Variants in GTF2E2 observed in about 807,000 individuals in gnomAD.
GTF2E2 encodes the protein general transcription factor IIE subunit 2, also known as transcription initiation factor IIE subunit beta.
In GTF2E2, 21 loss-of-function variants were observed where a neutral mutation model predicts 40.5. The ratio of observed to expected loss-of-function variants is 0.52; its 90% CI spans 0.37 to 0.75. The LOEUF is 0.75. Ranked by LOEUF, GTF2E2 falls within the 30% of genes least tolerant of loss-of-function variation. GTF2E2 has a pLI of 0.00. For synonymous variants in GTF2E2, 117 were observed against 121.6 expected (o/e 0.96, Z 0.25); for missense variants, 298 against 338.4 (o/e 0.88, Z 0.94).
At chr8:30,610,948 A>T (rs1469508671) in intron 5 of GTF2E2, among the ~76,000 whole-genome samples, 2 of 152,210 alleles carry the variant, frequency 1.3e-5, no homozygotes, top group African/African-American at 4.8e-5. Context: ...TATCCAGAAT[A>T]TATTTTTTAA....
chr8:30,634,958 C>A, intron 3 of GTF2E2, 74 bp downstream of exon 3: 1 of 771,980 alleles, frequency 1.3e-6, no homozygotes, highest in Non-Finnish European at 2.2e-6. Flanking sequence ...AGAAATTTAA[C>A]TTCTGAAAAC....
intron 6 of GTF2E2, among the ~76,000 whole-genome samples, chr8:30,600,003 T>A (rs560239256): frequency 9.1e-4 from 138 of 152,128 alleles, no homozygotes; most frequent in Admixed American, 2.2e-3. Context: ...AAATAAATAA[T>A]GATCTAAAAC....
At chr8:30,609,118 T>C (rs570154696) in intron 5 of GTF2E2, among the ~76,000 whole-genome samples, 102 of 152,042 alleles carry the variant, frequency 6.7e-4, no homozygotes, top group African/African-American at 2.4e-3. Flanking sequence ...ATAGAAAAAT[T>C]AGCTGAACAC....
At chr8:30,635,892 A>G (rs971755662) in intron 2 of GTF2E2, among the ~76,000 whole-genome samples, 11 of 152,196 alleles carry the variant, frequency 7.2e-5, no homozygotes, top group Admixed American at 6.5e-5. Context: ...AAAAATAGGA[A>G]TTAATGGAAA....
intron 2 of GTF2E2, among the ~76,000 whole-genome samples, chr8:30,651,552 T>C (rs1244622509): frequency 2.0e-5 from 3 of 151,786 alleles, no homozygotes; most frequent in African/African-American, 7.3e-5. Flanking sequence ...GCCAGGAGTT[T>C]GAGACCAGCC....
intron 6 of GTF2E2, among the ~76,000 whole-genome samples, chr8:30,591,475 C>G (rs559598858): frequency 5.9e-5 from 9 of 151,954 alleles, no homozygotes; most frequent in African/African-American, 2.2e-4. Context: ...CAGAGTGAGA[C>G]CCTGTTTCTA....
At chr8:30,645,618 A>G (rs1162745848) in intron 2 of GTF2E2, 1 of 1,516,968 alleles carries the variant, frequency 6.6e-7, no homozygotes, top group Non-Finnish European at 8.8e-7. Flanking sequence ...AAGATGAACA[A>G]AATCTCTGAA....
At chr8:30,625,115 G>A (rs1297269583) in intron 3 of GTF2E2, among the ~76,000 whole-genome samples, 2 of 152,016 alleles carry the variant, frequency 1.3e-5, no homozygotes, top group African/African-American at 4.8e-5. Context: ...TCCAGTTTTT[G>A]CCCATTCAGT....
At chr8:30,584,337 T>C (rs1340856694) in intron 6 of GTF2E2, among the ~76,000 whole-genome samples, 1 of 150,432 alleles carries the variant, frequency 6.6e-6, no homozygotes, top group Non-Finnish European at 1.5e-5. Context: ...TATTATAGAA[T>C]GGTATTTAAA....
At chr8:30,579,599 C>G (rs561609039) in intron 7 of GTF2E2, among the ~76,000 whole-genome samples, 2 of 152,222 alleles carry the variant, frequency 1.3e-5, no homozygotes, top group Admixed American at 1.3e-4. Context: ...TAAAAATTCA[C>G]CAAACACACA....
chr8:30,627,502 T>C (rs1312994836), intron 3 of GTF2E2, among the ~76,000 whole-genome samples: 1 of 143,636 alleles, frequency 7.0e-6, no homozygotes, highest in African/African-American at 2.6e-5. Context: ...AGAGAGGTAC[T>C]AGCAGCAAAA....
At position 30,640,877 on chromosome 8, in the gene GTF2E2, G is replaced by T. The variant is rs1183223986; in HGVS notation, c.167-5754C>A. 2.0e-5 allele frequency among the ~76,000 whole-genome samples: 3 copies of T among 152,256 alleles called. No homozygotes were observed. In the East Asian group the frequency reaches 5.8e-4, roughly 29 times the overall value. On this transcript the variant is annotated intron_variant, in intron 2 of 7. Coordinates refer to ENST00000355904, the MANE Select transcript of GTF2E2 (RefSeq NM_002095.6). ...CCGCCACCACAACTGGCTAATTTTT[G>T]TGTTTTTAGCAGAGACGGAGTTTCG...
intron 2 of GTF2E2, among the ~76,000 whole-genome samples, chr8:30,651,183 T>C (rs199674975): frequency 6.6e-6 from 1 of 152,186 alleles, no homozygotes; most frequent in South Asian, 2.1e-4. Flanking sequence ...CTATTCAATG[T>C]ACAGCCAGTC....
intron 3 of GTF2E2, among the ~76,000 whole-genome samples, chr8:30,624,576 G>T (rs1304071742): frequency 6.6e-6 from 1 of 152,026 alleles, no homozygotes; most frequent in Non-Finnish European, 1.5e-5. Context: ...GATGGGGATG[G>T]CATTGAATCT....
intron 2 of GTF2E2, among the ~76,000 whole-genome samples, chr8:30,637,559 T>G (rs1226099485): frequency 6.6e-6 from 1 of 152,194 alleles, no homozygotes; most frequent in Non-Finnish European, 1.5e-5. Flanking sequence ...AGTCTCACTC[T>G]GTCGCCCAGG....
chr8:30,641,033 A>C (rs1801804449), intron 2 of GTF2E2, among the ~76,000 whole-genome samples: 1 of 152,192 alleles, frequency 6.6e-6, no homozygotes, highest in Non-Finnish European at 1.5e-5. Context: ...AATCCATGAA[A>C]GTAAGATTTA....
intron 6 of GTF2E2, among the ~76,000 whole-genome samples, chr8:30,598,846 GA>G (rs1381444290): frequency 1.3e-5 from 2 of 152,150 alleles, no homozygotes; most frequent in Admixed American, 1.3e-4. Flanking sequence ...ATGCGTGAAA[GA>G]AAATGAATTT....
intron 6 of GTF2E2, among the ~76,000 whole-genome samples, chr8:30,583,062 G>C (rs550070780): frequency 6.6e-6 from 1 of 152,064 alleles, no homozygotes; most frequent in Non-Finnish European, 1.5e-5. Flanking sequence ...GGCTGGGCAC[G>C]GTGGCTCATG....
intron 2 of GTF2E2, among the ~76,000 whole-genome samples, chr8:30,646,813 A>G (rs1440507483): frequency 1.3e-5 from 2 of 151,868 alleles, no homozygotes; most frequent in Non-Finnish European, 2.9e-5. Flanking sequence ...AACCCCGTCT[A>G]TACTAAAAAT....
Sources: allele counts gnomAD v4.1 joint callset (sites outside exome capture counted in the v4.1 genomes callset), GRCh38; gene constraint gnomAD v4.1.1; transcripts MANE v1.5; gene names NCBI Gene and HGNC (gene_info 2026-07-23, HGNC 2026-07-21).